Variants in BBS9 observed in about 807,000 individuals in gnomAD.
The protein encoded by BBS9 is Bardet-Biedl syndrome 9, also known as protein PTHB1.
Under a neutral mutation model 117.7 loss-of-function variants are expected in BBS9, and 89 were observed. The ratio of observed to expected loss-of-function variants is 0.76; its 90% CI spans 0.64 to 0.90. The LOEUF (loss-of-function observed/expected upper bound fraction) is 0.90. BBS9 is among the 40% of genes least tolerant of loss of function. BBS9 has a pLI of 0.00. For missense variants in BBS9, 982 were observed against 1,042.2 expected (o/e 0.94, Z 0.80); for synonymous variants, 379 against 370.9 (o/e 1.02, Z -0.25).
At chr7:33,466,818 A>G (rs1202441775) in intron 19 of BBS9, among the ~76,000 whole-genome samples, 8 of 152,140 alleles carry the variant, frequency 5.3e-5, no homozygotes, top group Admixed American at 5.2e-4. Flanking sequence ...GTCCAGTGGC[A>G]TGTATTTGAC....
intron 5 of BBS9, among the ~76,000 whole-genome samples, chr7:33,243,592 C>A (rs567506303): frequency 2.0e-5 from 3 of 152,240 alleles, no homozygotes; most frequent in Non-Finnish European, 4.4e-5. Flanking sequence ...ATGTCTGTTT[C>A]CTCACCTAGG....
chr7:33,443,410 A>G (rs1272327033), intron 19 of BBS9, among the ~76,000 whole-genome samples: 2 of 152,260 alleles, frequency 1.3e-5, no homozygotes, highest in East Asian at 1.9e-4. Flanking sequence ...GCTGTCTTTC[A>G]TGCCCTTCAC....
intron 17 of BBS9, among the ~76,000 whole-genome samples, chr7:33,376,934 T>A (rs1430465349): frequency 6.6e-6 from 1 of 152,212 alleles, no homozygotes; most frequent in Non-Finnish European, 1.5e-5. Context: ...TCCTTATAGA[T>A]TCTGGATATT....
intron 1 of BBS9, among the ~76,000 whole-genome samples, chr7:33,133,981 G>A (rs778821225): frequency 7.9e-5 from 12 of 152,094 alleles, no homozygotes; most frequent in African/African-American, 1.2e-4. Flanking sequence ...ATCTGACTTC[G>A]ATTCTGTCAT....
chr7:33,249,226 GACAC>G (rs143505945), intron 5 of BBS9, among the ~76,000 whole-genome samples: 2 of 148,390 alleles, frequency 1.3e-5, no homozygotes, highest in African/African-American at 2.5e-5. Flanking sequence ...TGGGCATGGG[GACAC>G]ACACACACAC....
chr7:33,402,814 C>T (rs1055629069), intron 19 of BBS9, among the ~76,000 whole-genome samples: 31 of 151,978 alleles, frequency 2.0e-4, no homozygotes, highest in Admixed American at 8.5e-4. Flanking sequence ...GCATAGTACC[C>T]GAGAGGTAGT....
chr7:33,534,773 T>A (rs908206670), intron 21 of BBS9, among the ~76,000 whole-genome samples: 1 of 152,142 alleles, frequency 6.6e-6, no homozygotes, highest in African/African-American at 2.4e-5. Flanking sequence ...TCATAGGGGC[T>A]GAGCAGTCAG....
At chr7:33,515,380 A>G (rs550734705) in intron 20 of BBS9, among the ~76,000 whole-genome samples, 9 of 152,306 alleles carry the variant, frequency 5.9e-5, no homozygotes, top group Middle Eastern at 3.4e-3. Flanking sequence ...TTTTCCATGT[A>G]GCATTGTCCC....
chr7:33,529,889 C>T (rs1203373625), intron 20 of BBS9, among the ~76,000 whole-genome samples: 1 of 152,112 alleles, frequency 6.6e-6, no homozygotes, highest in African/African-American at 2.4e-5. Context: ...TAGGTATGTG[C>T]ATGTAGTATG....
At chr7:33,403,969 C>T (rs1829435983) in intron 19 of BBS9, among the ~76,000 whole-genome samples, 1 of 152,160 alleles carries the variant, frequency 6.6e-6, no homozygotes, top group Non-Finnish European at 1.5e-5. Context: ...ACATCCTCTC[C>T]AGCACCTGTT....
chr7:33,335,686 G>A (rs1815202762), intron 9 of BBS9, among the ~76,000 whole-genome samples: 1 of 152,144 alleles, frequency 6.6e-6, no homozygotes, highest in Admixed American at 6.5e-5. Context: ...GCCTAAGAGA[G>A]AAGGAAGAGT....
intron 6 of BBS9, among the ~76,000 whole-genome samples, chr7:33,258,669 C>T (rs1349203305): frequency 2.6e-5 from 4 of 152,132 alleles, no homozygotes; most frequent in Non-Finnish European, 4.4e-5. Flanking sequence ...AATATTAGGA[C>T]ATCTGCTTTT....
chr7:33,439,590 G>A (rs998357741), intron 19 of BBS9, among the ~76,000 whole-genome samples: 2 of 148,088 alleles, frequency 1.4e-5, no homozygotes, highest in Non-Finnish European at 3.0e-5. Context: ...GTGCAGTGGC[G>A]CAGTCTTGGC....
At chr7:33,144,136 C>T (rs1451432202) in intron 1 of BBS9, among the ~76,000 whole-genome samples, 1 of 152,074 alleles carries the variant, frequency 6.6e-6, no homozygotes, top group Non-Finnish European at 1.5e-5. Context: ...AGTAACCTTC[C>T]ACTGGTTGCA....
intron 21 of BBS9, among the ~76,000 whole-genome samples, chr7:33,578,522 AT>A (rs1859332562): frequency 6.6e-6 from 1 of 152,044 alleles, no homozygotes; most frequent in South Asian, 2.1e-4. Context: ...TGCTCTACAT[AT>A]TTCTCTTGTT....
At chr7:33,465,249 A>C (rs79495808) in intron 19 of BBS9, among the ~76,000 whole-genome samples, 57 of 149,812 alleles carry the variant, frequency 3.8e-4, no homozygotes, top group African/African-American at 1.3e-3. Flanking sequence ...AAAAAAAAAA[A>C]CATGATTTAT....
At chr7:33,353,970 C>A in intron 15 of BBS9, among the ~76,000 whole-genome samples, 1 of 151,648 alleles carries the variant, frequency 6.6e-6, no homozygotes, top group East Asian at 1.9e-4. Flanking sequence ...GATTTTGGAC[C>A]AAATTTTGTA....
intron 5 of BBS9, among the ~76,000 whole-genome samples, chr7:33,232,976 C>T (rs1215113014): frequency 6.6e-6 from 1 of 152,104 alleles, no homozygotes; most frequent in Non-Finnish European, 1.5e-5. Flanking sequence ...ATGTTAAACC[C>T]ATAATTCTAT....
intron 21 of BBS9, among the ~76,000 whole-genome samples, chr7:33,628,224 A>T (rs1388282333): frequency 6.6e-6 from 1 of 152,188 alleles, no homozygotes; most frequent in Non-Finnish European, 1.5e-5. Context: ...AACAAGGACA[A>T]TAGCAAAAGA....
Sources: allele counts gnomAD v4.1 joint callset (sites outside exome capture counted in the v4.1 genomes callset), GRCh38; gene constraint gnomAD v4.1.1; transcripts MANE v1.5; gene names NCBI Gene and HGNC (gene_info 2026-07-23, HGNC 2026-07-21).